Variants in NEO1 observed in about 807,000 individuals in gnomAD.
NEO1 encodes neogenin.
NEO1 carries 63 observed loss-of-function variants against 159.7 expected under a neutral mutation model. That is an observed-to-expected ratio of 0.39 (90% CI 0.32 to 0.49). The LOEUF (loss-of-function observed/expected upper bound fraction) is 0.49, where lower values mean the gene tolerates loss of function less well. Among genes scored for constraint, NEO1 ranks in the 20% least tolerant of loss-of-function variants. The probability of loss-of-function intolerance (pLI) is 0.85; values close to 1 mark genes in which losing one functional copy is unlikely to be tolerated. For synonymous variants in NEO1, 633 were observed against 662.0 expected, an observed-to-expected ratio of 0.96 and a Z score of 0.67; for missense variants, 1,615 against 1,831.0, an observed-to-expected ratio of 0.88 and a Z score of 2.15.
chr15:73,089,520 GC>G (rs1001469500), intron 1 of NEO1, among the ~76,000 whole-genome samples: 2 of 151,788 alleles, frequency 1.3e-5, no homozygotes, highest in Non-Finnish European at 2.9e-5. Flanking sequence ...ATAAAAATAT[GC>G]AATGCATGGA....
chr15:73,172,710 G>A (rs1439546873), intron 5 of NEO1, among the ~76,000 whole-genome samples: 7 of 152,194 alleles, frequency 4.6e-5, no homozygotes, highest in African/African-American at 1.7e-4. Context: ...TAATTCATGA[G>A]TCAGGCAGCA....
At chr15:73,244,525 C>A (rs747203647) in intron 9 of NEO1, 27 bp downstream of exon 9, 6 of 1,609,434 alleles carry the variant, frequency 3.7e-6, no homozygotes, top group Middle Eastern at 1.7e-4. Flanking sequence ...TCTGTCAGCA[C>A]CCCCTAGAGG....
At chr15:73,136,522 G>C (rs1048295049) in intron 5 of NEO1, among the ~76,000 whole-genome samples, 1 of 152,098 alleles carries the variant, frequency 6.6e-6, no homozygotes, top group Non-Finnish European at 1.5e-5. Flanking sequence ...CTCTGTTGGT[G>C]TCCTTTTCTT....
At position 73,289,133 on chromosome 15, in the gene NEO1, G is replaced by C; in HGVS notation, c.3650-13G>C. On this transcript the variant is annotated splice_polypyrimidine_tract_variant and intron_variant, in intron 24 of 28. Coordinates refer to ENST00000261908, the MANE Select transcript of NEO1 (RefSeq NM_002499.4). Reference sequence around the variant, plus strand: ...GCACATGCTGGTAACTAACCTCCACGTTTAACATCTAGGGCATGAGTCAGA... The same window carrying C: ...GCACATGCTGGTAACTAACCTCCACCTTTAACATCTAGGGCATGAGTCAGA... 1.2e-6 allele frequency: 2 copies of C among 1,612,786 alleles called. No homozygotes were observed. The highest frequency in any genetic ancestry group is 1.7e-6 in the Non-Finnish European group (2 of 1,178,998).
At chr15:73,052,169 G>C (rs898036991), upstream of NEO1, among the ~76,000 whole-genome samples, 65 of 150,324 alleles carry the variant, frequency 4.3e-4, no homozygotes, top group African/African-American at 1.6e-3. Context: ...GGGGAGAAGG[G>C]GGAGGGGAGC....
At chr15:73,189,390 A>C (rs1417739077) in intron 7 of NEO1, among the ~76,000 whole-genome samples, 1 of 152,354 alleles carries the variant, frequency 6.6e-6, no homozygotes, top group East Asian at 1.9e-4. Flanking sequence ...TTGAAAATAA[A>C]AATCACCATG....
chr15:73,233,780 C>G (rs887824784), intron 7 of NEO1, among the ~76,000 whole-genome samples: 1 of 152,108 alleles, frequency 6.6e-6, no homozygotes, highest in African/African-American at 2.4e-5. Context: ...CAGCTGCTTT[C>G]CTACTGAAAT....
At chr15:73,181,280 T>C (rs1478509537) in intron 7 of NEO1, among the ~76,000 whole-genome samples, 1 of 152,196 alleles carries the variant, frequency 6.6e-6, no homozygotes, top group African/African-American at 2.4e-5. Flanking sequence ...ATGAGTATGA[T>C]GATAAAGTCA....
At chr15:73,259,786 T>C (rs1318938843) in intron 14 of NEO1, among the ~76,000 whole-genome samples, 11 of 152,192 alleles carry the variant, frequency 7.2e-5, no homozygotes, top group Admixed American at 7.2e-4. Context: ...CTCCAAACTT[T>C]CATGTTTTCT....
At chr15:73,137,630 G>A (rs1217041200) in intron 5 of NEO1, among the ~76,000 whole-genome samples, 1 of 152,150 alleles carries the variant, frequency 6.6e-6, no homozygotes, top group Non-Finnish European at 1.5e-5. Context: ...ACAAGTAGCT[G>A]AGACTACAGG....
At chr15:73,092,201 C>G (rs962079197) in intron 1 of NEO1, among the ~76,000 whole-genome samples, 2 of 152,066 alleles carry the variant, frequency 1.3e-5, no homozygotes, top group Non-Finnish European at 2.9e-5. Flanking sequence ...TACTTCTGTT[C>G]CCTGGATTAG....
Position 73,086,951 on chromosome 15 carries a change from T to G in NEO1, c.131-29589T>G, listed in dbSNP as rs528126677. Among the ~76,000 whole-genome samples the G allele has an allele frequency of 7.2e-5, 11 of 152,242 alleles. No individual in the cohort carries two copies. In the South Asian group the frequency reaches 2.3e-3, roughly 32 times the overall value. On this transcript the variant is annotated intron_variant, in intron 1 of 28. Coordinates refer to ENST00000261908, the MANE Select transcript of NEO1 (RefSeq NM_002499.4). Reference sequence around the variant, plus strand: ...GATTACATGCGTGAGCCACCGCGCCTAGCCAGAAACAATTTTATTTGTTCC... The same window carrying G: ...GATTACATGCGTGAGCCACCGCGCCGAGCCAGAAACAATTTTATTTGTTCC...
At position 73,301,453 on chromosome 15, in the gene NEO1, A is replaced by G; in HGVS notation, c.4298A>G (p.Glu1433Gly). ...ACCACAAGGATGTTGGAAGACTCCG[A>G]GAGTGTAAGTTCGTGGGGCCATCAG... The part of the protein sequence containing the change: ...QETTRMLEDS[E>G]SSYEPDELTK... Residue 1433 changes from glutamate (E) to glycine (G), a missense_variant, in exon 28 of 29, where the codon GAG becomes GGG. Glu to Gly is a moderately conservative substitution (Grantham distance 98). This residue lies in a region of NEO1 where 471 missense variants were observed against 498.9 expected (regional missense o/e 0.94). Transcript: ENST00000261908. The G allele has an allele frequency of 6.2e-7, 1 of 1,614,154 alleles. No homozygotes were observed. Among genetic ancestry groups the G allele is most frequent in the East Asian group, 2.2e-5 (1 of 44,886 alleles).
intron 1 of NEO1, among the ~76,000 whole-genome samples, chr15:73,068,223 A>ACCCCCCCCCCCC (rs1555421033): frequency 1.8e-4 from 15 of 82,966 alleles, no homozygotes; most frequent in East Asian, 4.4e-4. Flanking sequence ...TTGTCCCCCT[A>ACCCCCCCCCCCC]CCCCCCCCCC....
At chr15:73,107,231 T>G (rs143199177) in intron 1 of NEO1, among the ~76,000 whole-genome samples, 70 of 152,332 alleles carry the variant, frequency 4.6e-4, no homozygotes, top group African/African-American at 1.6e-3. Flanking sequence ...TTCTTTGTAA[T>G]ACAAATACAT....
chr15:73,286,589 A>C (rs753925073), intron 23 of NEO1, among the ~76,000 whole-genome samples: 1 of 152,184 alleles, frequency 6.6e-6, no homozygotes, highest in Non-Finnish European at 1.5e-5. Context: ...TCTGAGTATC[A>C]GACTTGCACA....
intron 22 of NEO1, among the ~76,000 whole-genome samples, chr15:73,281,537 T>A (rs896587291): frequency 1.3e-5 from 2 of 152,144 alleles, no homozygotes; most frequent in African/African-American, 2.4e-5. Flanking sequence ...TTAACAGGCG[T>A]GAGCCACTGC....
intron 5 of NEO1, among the ~76,000 whole-genome samples, chr15:73,147,847 T>C (rs2033041241): frequency 6.6e-6 from 1 of 151,208 alleles, no homozygotes; most frequent in Non-Finnish European, 1.5e-5. Flanking sequence ...AAAATCTCAC[T>C]ATGTCGCCCA....
intron 25 of NEO1, among the ~76,000 whole-genome samples, chr15:73,290,612 T>C (rs771857346): frequency 1.3e-5 from 2 of 152,216 alleles, no homozygotes; most frequent in Non-Finnish European, 2.9e-5. Context: ...CTGAGCCTCT[T>C]TTAATAATAG....
Sources: allele counts gnomAD v4.1 joint callset (sites outside exome capture counted in the v4.1 genomes callset), GRCh38; gene constraint gnomAD v4.1.1; regional missense constraint gnomAD v4.1.1; transcripts MANE v1.5; gene names NCBI Gene and HGNC (gene_info 2026-07-23, HGNC 2026-07-21).